The following WDR37 variants were observed in gnomAD, a reference collection of about 807,000 sequenced individuals.
WDR37 encodes the protein WD repeat domain 37, also known as WD repeat-containing protein 37.
Under a neutral mutation model 62.9 loss-of-function variants are expected in WDR37, and 19 were observed. The observed-to-expected ratio is 0.30, with a 90% CI of 0.21 to 0.44. WDR37 has a LOEUF of 0.44. Ranked by LOEUF, WDR37 falls within the 20% of genes least tolerant of loss-of-function variation. The probability of loss-of-function intolerance (pLI) is 1.00; values close to 1 mark genes in which losing one functional copy is unlikely to be tolerated. For synonymous variants in WDR37, 250 were observed against 260.9 expected, an observed-to-expected ratio of 0.96 and a Z score of 0.40; for missense variants, 474 against 657.6, an observed-to-expected ratio of 0.72 and a Z score of 3.05.
intron 7 of WDR37, among the ~76,000 whole-genome samples, chr10:1,091,812 G>A (rs1834396195): frequency 6.6e-6 from 1 of 152,224 alleles, no homozygotes; most frequent in Non-Finnish European, 1.5e-5. Flanking sequence ...CTGACCACAT[G>A]TCAAGCTATT....
rs1388350347 is a variant in WDR37, at chr10:1,103,888, G to A, written c.961+52G>A. The stretch of plus-strand genomic sequence containing the variant: ...CTCCTGGCTGTGCATGTTAGTTTAT[G>A]TCCATGGGTTATGTCTGACCTTGCC... On this transcript the variant is annotated intron_variant, in intron 10 of 13. Transcript: ENST00000263150. The surrounding 1 kb of genome is among the most constrained non-coding windows in gnomAD (Gnocchi z 6.3). 1.3e-6 allele frequency: 2 copies of A among 1,571,364 alleles called. No individual in the cohort carries two copies. Among genetic ancestry groups the A allele is most frequent in the Non-Finnish European group, 1.7e-6 (2 of 1,150,308 alleles).
chr10:1,102,389 A>G (rs1029088278), intron 9 of WDR37, among the ~76,000 whole-genome samples: 3 of 150,758 alleles, frequency 2.0e-5, no homozygotes, highest in African/African-American at 7.5e-5. Flanking sequence ...CCATTCTTGC[A>G]TTGCTATAAA....
At chr10:1,066,323 A>C (rs538789720) in intron 1 of WDR37, among the ~76,000 whole-genome samples, 1 of 152,294 alleles carries the variant, frequency 6.6e-6, no homozygotes, top group Non-Finnish European at 1.5e-5. Flanking sequence ...TCACCGTGTT[A>C]GCTAGGATGG....
intron 11 of WDR37, among the ~76,000 whole-genome samples, chr10:1,108,833 C>A (rs1454456259): frequency 2.0e-5 from 3 of 151,766 alleles, no homozygotes; most frequent in Non-Finnish European, 2.9e-5. Context: ...GCTCTCACTG[C>A]ATTGACTCTG....
At chr10:1,094,327 G>T (rs1039098631) in intron 8 of WDR37, among the ~76,000 whole-genome samples, 1 of 152,228 alleles carries the variant, frequency 6.6e-6, no homozygotes, top group Non-Finnish European at 1.5e-5. Flanking sequence ...GGGCCAAATT[G>T]TGCTGACGCA....
chr10:1,109,749 C>T (rs1462438580), intron 11 of WDR37, among the ~76,000 whole-genome samples: 1 of 152,184 alleles, frequency 6.6e-6, no homozygotes, highest in Non-Finnish European at 1.5e-5. Context: ...ATTTGTGGTA[C>T]ATTTTTGCAG....
intron 1 of WDR37, among the ~76,000 whole-genome samples, chr10:1,069,389 A>ATATATATATATTT: frequency 1.5e-3 from 146 of 95,742 alleles, no homozygotes; most frequent in African/African-American, 5.2e-3. Context: ...ATATATATAT[A>ATATATATATATTT]TTTTTTTTTT....
intron 9 of WDR37, chr10:1,096,507 A>G (rs967541362): frequency 8.2e-5 from 41 of 500,916 alleles, no homozygotes; most frequent in African/African-American, 6.4e-4. Flanking sequence ...TCTCCGTGTC[A>G]CGTAAGAGCA....
intron 1 of WDR37, among the ~76,000 whole-genome samples, chr10:1,069,391 T>TATATATATATA (rs200599689): frequency 0.014 from 619 of 45,710 alleles, 1 homozygote; most frequent in South Asian, 0.048. Flanking sequence ...ATATATATAT[T>TATATATATATA]TTTTTTTTTT....
intron 1 of WDR37, among the ~76,000 whole-genome samples, chr10:1,071,272 A>G (rs1833719964): frequency 6.6e-6 from 1 of 152,152 alleles, no homozygotes; most frequent in African/African-American, 2.4e-5. Flanking sequence ...ATTCTTTGAC[A>G]GTGAGGTGCT....
chr10:1,088,211 G>A (rs745485232), intron 7 of WDR37, among the ~76,000 whole-genome samples: 3 of 152,118 alleles, frequency 2.0e-5, no homozygotes, highest in Admixed American at 6.5e-5. Context: ...CCTGTGTATC[G>A]GCGTTCTTGT....
intron 11 of WDR37, among the ~76,000 whole-genome samples, chr10:1,122,348 C>T (rs1291914298): frequency 6.6e-6 from 1 of 152,152 alleles, no homozygotes; most frequent in Non-Finnish European, 1.5e-5. Context: ...GGGTTTTGAG[C>T]CCCTGTACAG....
intron 5 of WDR37, among the ~76,000 whole-genome samples, chr10:1,081,627 T>C (rs1834031832): frequency 1.3e-5 from 2 of 152,356 alleles, no homozygotes; most frequent in South Asian, 2.1e-4. Context: ...ACATCTAGAA[T>C]GTAAGTTGCT....
chr10:1,124,151 G>A, intron 11 of WDR37, 67 bp from the exon 12 acceptor site: 1 of 1,603,222 alleles, frequency 6.2e-7, no homozygotes, highest in Non-Finnish European at 8.5e-7. Context: ...GGTCAGGGTT[G>A]TGTGTGGGGT....
chr10:1,063,406 A>G (rs1312822803), intron 1 of WDR37, among the ~76,000 whole-genome samples: 1 of 151,264 alleles, frequency 6.6e-6, no homozygotes, highest in Non-Finnish European at 1.5e-5. Flanking sequence ...CTAATCAGAG[A>G]ACTTTTCGGC....
At chr10:1,091,867 G>C (rs975991456) in intron 7 of WDR37, among the ~76,000 whole-genome samples, 5 of 152,234 alleles carry the variant, frequency 3.3e-5, no homozygotes, top group African/African-American at 1.2e-4. Flanking sequence ...TGAAGTGCCA[G>C]GGTCTCCTGC....
intron 1 of WDR37, among the ~76,000 whole-genome samples, chr10:1,067,757 C>T (rs1833598074): frequency 6.6e-6 from 1 of 152,116 alleles, no homozygotes; most frequent in African/African-American, 2.4e-5. Flanking sequence ...CAAAGGGATG[C>T]CTGCACTTGC....
At position 1,103,821 on chromosome 10, in the gene WDR37, G is replaced by A. The variant is rs567216295; in HGVS notation, c.946G>A (p.Val316Ile). ...NLYDVETSELVHSLTGHDQEL... is the reference protein window; with the variant it reads ...NLYDVETSELIHSLTGHDQEL... ...GTACGACGTGGAGACGTCCGAGCTC[G>A]TTCACTCTCTGACAGGTGCCTGGGT... is the stretch of plus-strand genomic sequence containing the variant. Residue 316 changes from valine to isoleucine, a missense_variant, in exon 10 of 14, where the codon GTT (valine) becomes ATT (isoleucine). Val to Ile is a conservative substitution (Grantham distance 29). Coordinates refer to ENST00000263150, the MANE Select transcript of WDR37 (RefSeq NM_014023.4). This position sits in a 1 kb window ranked among gnomAD's most constrained non-coding sequence, Gnocchi z 6.3. 46 of 1,613,994 alleles carry A rather than the reference G, an allele frequency of 2.9e-5. No individual in the cohort carries two copies. Among genetic ancestry groups the A allele is most frequent in the East Asian group, 6.7e-5 (3 of 44,892 alleles).
At chr10:1,080,200 G>C (rs1833987179) in intron 4 of WDR37, 94 bp downstream of exon 4, 2 of 1,441,768 alleles carry the variant, frequency 1.4e-6, no homozygotes, top group Non-Finnish European at 1.9e-6. Flanking sequence ...GCGTTTTGCT[G>C]TCAGCAGACC....
Sources: allele counts gnomAD v4.1 joint callset (sites outside exome capture counted in the v4.1 genomes callset), GRCh38; gene constraint gnomAD v4.1.1; non-coding constraint Gnocchi (gnomAD v3.1); transcripts MANE v1.5; gene names NCBI Gene and HGNC (gene_info 2026-07-23, HGNC 2026-07-21).